The following SPAST variants were observed in gnomAD, a reference collection of about 807,000 sequenced individuals.
SPAST encodes the protein spastic paraplegia 4 (autosomal dominant; spastin).
In SPAST, 30 loss-of-function variants were observed where a neutral mutation model predicts 76.6. That is an observed-to-expected ratio of 0.39 (90% CI 0.29 to 0.53). The LOEUF (loss-of-function observed/expected upper bound fraction) is 0.53. Among genes scored for constraint, SPAST ranks in the 20% least tolerant of loss-of-function variants. SPAST has a pLI of 0.68. For missense variants in SPAST, 717 were observed against 770.5 expected (o/e 0.93, Z 0.82); for synonymous variants, 305 against 281.0 (o/e 1.09, Z -0.86).
chr2:32,134,453 G>C (rs905054262), intron 9 of SPAST, among the ~76,000 whole-genome samples: 1 of 144,880 alleles, frequency 6.9e-6, no homozygotes, highest in Non-Finnish European at 1.5e-5. Context: ...AGTGAGCCGA[G>C]ACTCCATCTC....
At chr2:32,147,100 T>A (rs1679911264) in intron 15 of SPAST, 118 bp from the exon 16 acceptor site, 1 of 685,188 alleles carries the variant, frequency 1.5e-6, no homozygotes. Context: ...CTCTTTTTTT[T>A]AATATAATGA....
intron 5 of SPAST, 66 bp downstream of exon 5, chr2:32,114,891 C>T: frequency 1.7e-6 from 2 of 1,149,660 alleles, no homozygotes; most frequent in South Asian, 2.5e-5. Flanking sequence ...AGATACTATT[C>T]CTGCTTAAGT....
intron 14 of SPAST, among the ~76,000 whole-genome samples, 177 bp downstream of exon 14, chr2:32,143,592 G>A (rs1679792784): frequency 6.6e-6 from 1 of 152,020 alleles, no homozygotes; most frequent in South Asian, 2.1e-4. Context: ...ATATATATAT[G>A]TGGAATCTAA....
chr2:32,080,113 C>T (rs753272972), intron 1 of SPAST, among the ~76,000 whole-genome samples: 20 of 152,104 alleles, frequency 1.3e-4, no homozygotes, highest in Non-Finnish European at 2.6e-4. Flanking sequence ...TAATAGTCAT[C>T]CTAAAGGGTA....
chr2:32,083,850 G>T (rs561134175), intron 1 of SPAST, among the ~76,000 whole-genome samples: 1 of 140,490 alleles, frequency 7.1e-6, no homozygotes, highest in East Asian at 2.1e-4. Context: ...TTGGCTTACC[G>T]CAACCTCAAC....
At chr2:32,150,951 C>CTTTTTTTTTTTTTTTTTT (rs113065520) in intron 16 of SPAST, among the ~76,000 whole-genome samples, 1 of 143,398 alleles carries the variant, frequency 7.0e-6, no homozygotes. Context: ...CTACTGTATA[C>CTTTTTTTTTTTTTTTTTT]TTTTTTTTTT....
chr2:32,147,427 A>G (rs185860702), intron 16 of SPAST, among the ~76,000 whole-genome samples, 169 bp downstream of exon 16: 32 of 125,926 alleles, frequency 2.5e-4, no homozygotes, highest in African/African-American at 8.7e-4. Flanking sequence ...GATTCAAGCT[A>G]TTCTCCTGCC....
intron 9 of SPAST, chr2:32,128,734 G>A: frequency 4.2e-6 from 2 of 470,636 alleles, no homozygotes; most frequent in Non-Finnish European, 7.7e-6. Flanking sequence ...GCAATTTATT[G>A]TCTCACAGTT....
chr2:32,138,140 T>G (rs1679602644), intron 12 of SPAST, among the ~76,000 whole-genome samples: 1 of 152,224 alleles, frequency 6.6e-6, no homozygotes, highest in South Asian at 2.1e-4. Flanking sequence ...GCATGTCTTT[T>G]TGGTATAATG....
intron 3 of SPAST, among the ~76,000 whole-genome samples, chr2:32,096,268 C>A (rs531611007): frequency 1.6e-4 from 24 of 152,218 alleles, no homozygotes; most frequent in Non-Finnish European, 2.8e-4. Context: ...AACCTTGTAT[C>A]TACTAAAATT....
intron 11 of SPAST, 54 bp from the exon 12 acceptor site, chr2:32,137,049 ATATCTT>A (rs1679561574): frequency 6.4e-7 from 1 of 1,553,390 alleles, no homozygotes; most frequent in Admixed American, 1.7e-5. Context: ...AAAAATACAA[ATATCTT>A]TATATTTGTT....
At chr2:32,144,390 T>TG (rs1025401969) in intron 14 of SPAST, among the ~76,000 whole-genome samples, 7 of 152,376 alleles carry the variant, frequency 4.6e-5, no homozygotes, top group South Asian at 2.1e-4. Context: ...TACAATTTAA[T>TG]GAAGCCTCTG....
chr2:32,117,202 G>A (rs1277170318), intron 7 of SPAST, among the ~76,000 whole-genome samples: 2 of 151,690 alleles, frequency 1.3e-5, no homozygotes, highest in Admixed American at 6.6e-5. Flanking sequence ...GCAGTGAGCC[G>A]AGATCACGCC....
intron 4 of SPAST, among the ~76,000 whole-genome samples, chr2:32,105,405 C>G (rs1287129403): frequency 6.6e-6 from 1 of 152,170 alleles, no homozygotes; most frequent in Admixed American, 6.5e-5. Context: ...GAACATCCTC[C>G]TTTAGCTCGG....
chr2:32,094,788 G>A (rs1448690079), intron 3 of SPAST, among the ~76,000 whole-genome samples: 1 of 152,198 alleles, frequency 6.6e-6, no homozygotes, highest in Non-Finnish European at 1.5e-5. Context: ...TGGCCAACAT[G>A]GCGAAACCTT....
chr2:32,135,475 T>G (rs994557424), intron 9 of SPAST, among the ~76,000 whole-genome samples: 1 of 152,082 alleles, frequency 6.6e-6, no homozygotes, highest in African/African-American at 2.4e-5. Context: ...ATTTCTTTTG[T>G]TTTTAAGTTA....
In SPAST at chr2:32,087,514, G is replaced by A. The variant is rs1484903215; in HGVS notation, c.438G>A (p.Val146=). The change falls in exon 2 of 17, where the codon GTG becomes GTA. Residue 146 remains valine, a synonymous_variant. Coordinates refer to ENST00000315285, the MANE Select transcript of SPAST (RefSeq NM_014946.4). ...AAGCAGGACAGAAGGAGCAAGCTGT[G>A]GAATGGTATAAGAAAGGTATTGAAG... ...DEKAGQKEQA[V]EWYKKGIEEL... is the part of the protein sequence containing the mutation. 6.2e-7 allele frequency: 1 copy of A among 1,606,322 alleles called. No homozygotes were observed. Among genetic ancestry groups the A allele is most frequent in the Non-Finnish European group, 8.5e-7 (1 of 1,174,034 alleles).
Position 32,107,475 on chromosome 2 carries a change from A to ACCTTAAGTGATC in SPAST, c.683-7162_683-7161insCTTAAGTGATCC, listed in dbSNP as rs1419800467. ...ACCATGTTGGTCAAGCTAGTCTGAG[A>ACCTTAAGTGATC]CTCCTGACCTTAAGTGATCCACCTG... On this transcript the variant is annotated intron_variant, in intron 4 of 16. Coordinates refer to ENST00000315285, the MANE Select transcript of SPAST (RefSeq NM_014946.4). 4.1e-4 allele frequency among the ~76,000 whole-genome samples: 63 copies of ACCTTAAGTGATC among 151,988 alleles called. No homozygotes were observed. The Middle Eastern group carries it at 0.014, about 33-fold the overall frequency.
chr2:32,138,495 A>G (rs554305254), intron 12 of SPAST, among the ~76,000 whole-genome samples: 28 of 152,016 alleles, frequency 1.8e-4, no homozygotes, highest in Non-Finnish European at 2.9e-4. Context: ...AGAAGTGTCT[A>G]TTCATTTCCT....
Sources: gnomAD v4.1 joint callset for allele counts (sites outside exome capture counted in the v4.1 genomes callset) on GRCh38, gnomAD v4.1.1 for gene constraint, MANE v1.5 for transcripts, NCBI Gene and HGNC (gene_info 2026-07-23, HGNC 2026-07-21) for gene names.